Variants in USH2A observed in about 807,000 individuals in gnomAD.
USH2A encodes the protein usherin, also known as Usher syndrome 2A (autosomal recessive, mild).
In USH2A, 443 loss-of-function variants were observed where a neutral mutation model predicts 538.9. The ratio of observed to expected loss-of-function variants is 0.82; its 90% CI spans 0.76 to 0.89. USH2A has a LOEUF of 0.89. Among genes scored for constraint, USH2A ranks in the 40% least tolerant of loss-of-function variants. The pLI, the probability that USH2A is intolerant of heterozygous loss-of-function variation, is 0.00. For missense variants in USH2A, 6,633 were observed against 6,324.8 expected (o/e 1.05, Z -1.65); for synonymous variants, 2,413 against 2,273.5 (o/e 1.06, Z -1.75).
At chr1:215,967,011 T>C (rs2102455333) in intron 36 of USH2A, among the ~76,000 whole-genome samples, 1 of 152,336 alleles carries the variant, frequency 6.6e-6, no homozygotes, top group African/African-American at 2.4e-5. Context: ...TTCATTTTAC[T>C]TTTTTGTTTA....
At chr1:215,647,217 T>A (rs2102641836) in intron 67 of USH2A, among the ~76,000 whole-genome samples, 1 of 152,306 alleles carries the variant, frequency 6.6e-6, no homozygotes. Context: ...CAAAACTTCT[T>A]ATAAAAATGG....
At chr1:216,195,672 GA>G in intron 19 of USH2A, 1 of 155,378 alleles carries the variant, frequency 6.4e-6, no homozygotes. Flanking sequence ...TTCATGGAAA[GA>G]AAAATGTGGC....
At chr1:215,933,864 A>G (rs1666425973) in intron 38 of USH2A, among the ~76,000 whole-genome samples, 1 of 151,974 alleles carries the variant, frequency 6.6e-6, no homozygotes, top group Admixed American at 6.6e-5. Context: ...TCATGCTCTT[A>G]ACATTTTGAG....
intron 21 of USH2A, among the ~76,000 whole-genome samples, chr1:216,104,039 C>T (rs186245283): frequency 9.0e-4 from 137 of 151,916 alleles, no homozygotes; most frequent in Middle Eastern, 3.4e-3. Context: ...TTTGACTTAC[C>T]TTTTCATTTT....
chr1:216,138,967 G>A (rs1027440233), intron 21 of USH2A, among the ~76,000 whole-genome samples: 7 of 150,930 alleles, frequency 4.6e-5, no homozygotes, highest in Non-Finnish European at 1.0e-4. Flanking sequence ...TGTATATATG[G>A]TTTTCCTCTT....
intron 11 of USH2A, among the ~76,000 whole-genome samples, chr1:216,272,873 T>C (rs1055615670): frequency 6.6e-6 from 1 of 152,044 alleles, no homozygotes; most frequent in African/African-American, 2.4e-5. Context: ...TTCATGTATT[T>C]CATATGTTCA....
At chr1:215,865,429 T>C (rs1009306291) in intron 44 of USH2A, among the ~76,000 whole-genome samples, 4 of 152,170 alleles carry the variant, frequency 2.6e-5, no homozygotes, top group Non-Finnish European at 4.4e-5. Flanking sequence ...AATGCAATTA[T>C]AACATAAAGG....
At chr1:216,389,469 C>T (rs2039063003) in intron 3 of USH2A, among the ~76,000 whole-genome samples, 1 of 151,996 alleles carries the variant, frequency 6.6e-6, no homozygotes, top group Admixed American at 6.6e-5. Context: ...GCATTTCTTC[C>T]AGAGAAATTA....
In USH2A at chr1:215,817,098, G is replaced by A. The variant is rs772100045; in HGVS notation, c.9469C>T (p.Gln3157Ter). 3 of 1,612,726 alleles carry A rather than the reference G, an allele frequency of 1.9e-6. No individual in the cohort carries two copies. The East Asian group carries it at 6.7e-5, about 36-fold the overall frequency. Residue 3157 changes from glutamine to a stop codon, truncating the protein, a stop_gained, in exon 48 of 72, where the codon CAA (glutamine) becomes TAA (stop). Transcript: ENST00000307340. LOFTEE classifies it high-confidence loss of function. ...WKTWYPCAKTQKLVQDQSDEL... is the reference protein window; with the variant it reads ...WKTWYPCAKT ...TCACTCTGATCCTGCACTAACTTTTGAGTTTTAGCGCATGGATACCATGTT... is the reference window on the plus strand; with the variant it reads ...TCACTCTGATCCTGCACTAACTTTTAAGTTTTAGCGCATGGATACCATGTT...
chr1:215,771,529 G>A (rs1337811699), intron 55 of USH2A, among the ~76,000 whole-genome samples: 6 of 126,550 alleles, frequency 4.7e-5, no homozygotes, highest in Non-Finnish European at 9.5e-5. Flanking sequence ...GCAGTGAGCC[G>A]AGATCCCGCC....
rs7524115 is a variant in USH2A at position 216,095,650 on chromosome 1, A to C, written c.4758+1433T>G. Among the ~76,000 whole-genome samples, 590 of 152,258 alleles carry C rather than the reference A, an allele frequency of 3.9e-3. 5 individuals carry two copies. The highest frequency in any genetic ancestry group is 0.013 in the African/African-American group (553 of 41,550). On this transcript the variant is annotated intron_variant, in intron 22 of 71. Transcript: ENST00000307340. ...GCCAGGGAGTTAGCAGAGCCCTGTC[A>C]AGTCATGAGGAGGGAGCCTTTCTGT...
intron 30 of USH2A, among the ~76,000 whole-genome samples, chr1:216,049,689 C>T (rs1358757567): frequency 6.6e-6 from 1 of 152,074 alleles, no homozygotes; most frequent in Non-Finnish European, 1.5e-5. Context: ...TTTTAATATA[C>T]ATGTTTCCAT....
intron 35 of USH2A, among the ~76,000 whole-genome samples, chr1:215,978,684 T>C (rs1667678396): frequency 6.6e-6 from 1 of 152,152 alleles, no homozygotes; most frequent in East Asian, 1.9e-4. Context: ...AATTAAATAG[T>C]AGACAGTAGG....
At chr1:215,869,553 G>T (rs933187141) in intron 43 of USH2A, among the ~76,000 whole-genome samples, 2 of 152,112 alleles carry the variant, frequency 1.3e-5, no homozygotes, top group African/African-American at 4.8e-5. Context: ...GAAGCTAATG[G>T]CTCACAAGGG....
chr1:215,901,544 TCTC>T lies in USH2A; in HGVS notation c.7301-642_7301-640del, dbSNP rs567064907. On this transcript the variant is annotated intron_variant, in intron 38 of 71. Transcript: ENST00000307340. ...AATTACCCTTCTCAGAGTTATCCCT[TCTC>T]CTGCCCTTACTCAATTTTGCAAGTT... is the stretch of plus-strand genomic sequence containing the variant. The T allele has an allele frequency of 1.7e-4, 27 of 155,484 alleles. 1 individual carries two copies. The highest frequency in any genetic ancestry group is 9.4e-4 in the Admixed American group (15 of 15,980). The allele number at this position is 155,484 out of a possible 1,614,324, so 9.6% of individuals were successfully genotyped here.
intron 58 of USH2A, among the ~76,000 whole-genome samples, chr1:215,746,239 T>C: frequency 6.6e-6 from 1 of 152,138 alleles, no homozygotes; most frequent in East Asian, 1.9e-4. Flanking sequence ...TTGGTGTGTC[T>C]GAATGGTCCT....
chr1:216,339,902 C>T lies in USH2A; in HGVS notation c.785-12248G>A, dbSNP rs370323636. Reference sequence around the variant, plus strand: ...AAGCTAGAAAGATCTCGAATTGACACTCTAGTGTCACAATTAAAAGAACTA... The same window carrying T: ...AAGCTAGAAAGATCTCGAATTGACATTCTAGTGTCACAATTAAAAGAACTA... On this transcript the variant is annotated intron_variant, in intron 4 of 71. Transcript: ENST00000307340. Among the ~76,000 whole-genome samples, 150 of 151,996 alleles carry T rather than the reference C, an allele frequency of 9.9e-4. 1 individual carries two copies. Among genetic ancestry groups the T allele is most frequent in the African/African-American group, 3.4e-3 (143 of 41,524 alleles).
rs145424608 is a variant in USH2A at position 215,710,057 on chromosome 1, C to T, written c.12066+17973G>A. Among the ~76,000 whole-genome samples, 4 of 152,268 alleles carry T rather than the reference C, an allele frequency of 2.6e-5. No homozygotes were observed. The East Asian group carries it at 7.7e-4, about 29-fold the overall frequency. The stretch of plus-strand genomic sequence containing the variant: ...GTGATCAGTTACACTGAAAAAGGTG[C>T]TGTATTGGGAAGGAATCAAGAAGCT... On this transcript the variant is annotated intron_variant, in intron 61 of 71. Transcript: ENST00000307340.
chr1:216,033,518 T>C (rs1358405153), intron 32 of USH2A, among the ~76,000 whole-genome samples: 2 of 152,102 alleles, frequency 1.3e-5, no homozygotes, highest in African/African-American at 4.8e-5. Flanking sequence ...TGTAGTGTTG[T>C]AGAAATAAAT....
Sources: allele counts gnomAD v4.1 joint callset (sites outside exome capture counted in the v4.1 genomes callset), GRCh38; gene constraint gnomAD v4.1.1; transcripts MANE v1.5; gene names NCBI Gene and HGNC (gene_info 2026-07-23, HGNC 2026-07-21).